MEI4: variants seen among roughly 807,000 people sequenced by gnomAD.
MEI4 encodes meiosis-specific protein MEI4.
A neutral mutation model predicts 31.4 loss-of-function variants in MEI4; 27 were observed. The ratio of observed to expected loss-of-function variants is 0.86; its 90% confidence interval spans 0.63 to 1.19. The LOEUF is 1.19. Ranked by LOEUF, MEI4 falls within the 50% of genes most tolerant of loss-of-function variation. MEI4 has a pLI of 0.00. For synonymous variants in MEI4, 122 were observed against 145.4 expected (o/e 0.84, Z 1.16); for missense variants, 329 against 398.9 (o/e 0.82, Z 1.49).
chr6:77,684,103 G>T (rs1011021154), intron 1 of MEI4, among the ~76,000 whole-genome samples: 1 of 152,052 alleles, frequency 6.6e-6, no homozygotes, highest in African/African-American at 2.4e-5. Flanking sequence ...GTTTTAATTT[G>T]CATTTCCCTA....
intron 4 of MEI4, among the ~76,000 whole-genome samples, chr6:77,916,405 G>A (rs1766548776): frequency 6.6e-6 from 1 of 151,886 alleles, no homozygotes; most frequent in Non-Finnish European, 1.5e-5. Context: ...TGTTTTTTTA[G>A]TAGATGACTT....
chr6:77,773,485 A>G (rs1561983062), intron 3 of MEI4, among the ~76,000 whole-genome samples: 1 of 152,030 alleles, frequency 6.6e-6, no homozygotes, highest in Non-Finnish European at 1.5e-5. Flanking sequence ...ATCTATATGT[A>G]AAGGAGTGAT....
intron 4 of MEI4, among the ~76,000 whole-genome samples, chr6:77,916,428 A>T (rs1766549490): frequency 6.6e-6 from 1 of 151,982 alleles, no homozygotes; most frequent in African/African-American, 2.4e-5. Context: ...TCCTAAAGAT[A>T]ATTCCATTAT....
At chr6:77,866,140 A>C (rs1771021160) in intron 4 of MEI4, among the ~76,000 whole-genome samples, 1 of 151,928 alleles carries the variant, frequency 6.6e-6, no homozygotes, top group South Asian at 2.1e-4. Context: ...ATGGGCAAAA[A>C]CTGGAAGCAT....
chr6:77,698,930 C>T (rs1431976065), intron 2 of MEI4, among the ~76,000 whole-genome samples: 1 of 152,172 alleles, frequency 6.6e-6, no homozygotes, highest in Admixed American at 6.5e-5. Context: ...TTGGTCTTTT[C>T]ACATAGTCCC....
In MEI4 at chr6:77,656,551, C is replaced by T. The variant is rs540610831; in HGVS notation, c.-15+3459C>T. Among the ~76,000 whole-genome samples the T allele has an allele frequency of 4.3e-4, 66 of 152,096 alleles. No homozygotes were observed. The South Asian group carries it at 0.013, about 31-fold the overall frequency. On this transcript the variant is annotated intron_variant, in intron 1 of 4. Transcript: ENST00000684080. ...TATCTTCACAGTAGATTAAATGTTCCTAAGGGGAAGGATATCCTTAACTCT... is the reference window on the plus strand; with the variant it reads ...TATCTTCACAGTAGATTAAATGTTCTTAAGGGGAAGGATATCCTTAACTCT...
At chr6:77,681,667 A>G (rs1193574528) in intron 1 of MEI4, among the ~76,000 whole-genome samples, 1 of 152,178 alleles carries the variant, frequency 6.6e-6, no homozygotes, top group African/African-American at 2.4e-5. Flanking sequence ...ATTTGAAATC[A>G]AAAGGTGTGG....
At chr6:77,751,571 C>T (rs1226736963) in intron 2 of MEI4, among the ~76,000 whole-genome samples, 1 of 151,858 alleles carries the variant, frequency 6.6e-6, no homozygotes, top group African/African-American at 2.4e-5. Context: ...ACCAGGAAAA[C>T]ATCCAAGCCC....
intron 2 of MEI4, among the ~76,000 whole-genome samples, chr6:77,738,453 G>T (rs910546994): frequency 6.6e-6 from 1 of 152,062 alleles, no homozygotes; most frequent in African/African-American, 2.4e-5. Flanking sequence ...AGCTAGTGCT[G>T]TATCTATTTT....
chr6:77,726,134 G>A (rs1766814746), intron 2 of MEI4, among the ~76,000 whole-genome samples: 1 of 132,644 alleles, frequency 7.5e-6, no homozygotes, highest in South Asian at 2.8e-4. Flanking sequence ...TGACTCTTAA[G>A]GAGCATGCTG....
intron 4 of MEI4, among the ~76,000 whole-genome samples, chr6:77,888,012 T>C (rs991852244): frequency 4.4e-4 from 67 of 152,222 alleles, no homozygotes; most frequent in Non-Finnish European, 2.9e-5. Context: ...TTTATCATTA[T>C]ATAATTACTG....
intron 3 of MEI4, among the ~76,000 whole-genome samples, chr6:77,816,145 G>A (rs1769684460): frequency 6.6e-6 from 1 of 152,000 alleles, no homozygotes; most frequent in Admixed American, 6.6e-5. Flanking sequence ...GTACCTCTGG[G>A]TTACTTAATC....
chr6:77,698,296 T>C (rs1479643778), intron 2 of MEI4, among the ~76,000 whole-genome samples: 1 of 152,186 alleles, frequency 6.6e-6, no homozygotes, highest in Non-Finnish European at 1.5e-5. Context: ...ATGTGTGAAT[T>C]TGATCCTGTC....
intron 1 of MEI4, among the ~76,000 whole-genome samples, chr6:77,658,011 A>G (rs1197716632): frequency 6.6e-6 from 1 of 152,218 alleles, no homozygotes; most frequent in Non-Finnish European, 1.5e-5. Flanking sequence ...TCATGGCTGT[A>G]TAGTAGTTTT....
At chr6:77,885,779 G>C (rs115695427) in intron 4 of MEI4, among the ~76,000 whole-genome samples, 71 of 152,200 alleles carry the variant, frequency 4.7e-4, no homozygotes, top group African/African-American at 1.7e-3. Flanking sequence ...GCTTCTCCCA[G>C]TCCAGTATGT....
At position 77,681,891 on chromosome 6, in the gene MEI4, A is replaced by G. The variant is rs79053031; in HGVS notation, c.-14-8767A>G. 1.0e-3 allele frequency among the ~76,000 whole-genome samples: 159 copies of G among 152,312 alleles called. 2 individuals carry two copies. In the East Asian group the frequency reaches 0.03, roughly 28 times the overall value. ...GGCTTCCACAGGGGCCCTTAATAAT[A>G]AAAGTAGAAAAATTTGAAATCTCGA... On this transcript the variant is annotated intron_variant, in intron 1 of 4. Transcript: ENST00000684080.
At chr6:77,789,734 T>C (rs373765140) in intron 3 of MEI4, among the ~76,000 whole-genome samples, 3 of 152,076 alleles carry the variant, frequency 2.0e-5, no homozygotes, top group Non-Finnish European at 4.4e-5. Context: ...AGGATGGCAA[T>C]CATTAAAAAG....
chr6:77,862,775 T>A (rs1280615863), intron 4 of MEI4, among the ~76,000 whole-genome samples: 1 of 152,150 alleles, frequency 6.6e-6, no homozygotes, highest in Non-Finnish European at 1.5e-5. Flanking sequence ...ACAGACGGCC[T>A]CCTCAAGTGG....
chr6:77,683,441 A>C (rs1452477481), intron 1 of MEI4, among the ~76,000 whole-genome samples: 1 of 152,132 alleles, frequency 6.6e-6, no homozygotes, highest in Non-Finnish European at 1.5e-5. Context: ...TCTTTCAGGA[A>C]TTTTCAAGTG....
Sources: gnomAD v4.1 joint callset for allele counts (sites outside exome capture counted in the v4.1 genomes callset) on GRCh38, gnomAD v4.1.1 for gene constraint, MANE v1.5 for transcripts, NCBI Gene and HGNC (gene_info 2026-07-23, HGNC 2026-07-21) for gene names.